Variants in RYR2 observed in about 807,000 individuals in gnomAD.
RYR2 encodes the protein cardiac muscle ryanodine receptor-calcium release channel.
In RYR2, 227 loss-of-function variants were observed where a neutral mutation model predicts 601.1. That is an observed-to-expected ratio of 0.38 (90% CI 0.34 to 0.42). The LOEUF (loss-of-function observed/expected upper bound fraction) is 0.42, where lower values mean the gene tolerates loss of function less well. RYR2 is among the 10% of genes least tolerant of loss of function. The pLI is 1.00. For synonymous variants in RYR2, 2,223 were observed against 2,175.1 expected (o/e 1.02, Z -0.61); for missense variants, 4,646 against 6,156.5 (o/e 0.75, Z 8.21).
intron 2 of RYR2, among the ~76,000 whole-genome samples, chr1:237,293,726 G>A (rs559661583): frequency 6.6e-6 from 1 of 152,302 alleles, no homozygotes; most frequent in East Asian, 1.9e-4. Flanking sequence ...CAGGAAATGT[G>A]GGAAGAGGCA....
intron 12 of RYR2, among the ~76,000 whole-genome samples, chr1:237,439,852 G>C (rs1471540897): frequency 4.0e-5 from 6 of 151,728 alleles, no homozygotes; most frequent in East Asian, 1.9e-4. Flanking sequence ...AATGTTAGAG[G>C]CTCACTGTTC....
At position 237,333,252 on chromosome 1, in the gene RYR2, G is replaced by A. The variant is rs934510588; in HGVS notation, c.273+2270G>A. 5.3e-5 allele frequency among the ~76,000 whole-genome samples: 8 copies of A among 152,208 alleles called. No homozygotes were observed. In the East Asian group the frequency reaches 1.5e-3, roughly 29 times the overall value. On this transcript the variant is annotated intron_variant, in intron 3 of 104. Transcript: ENST00000366574. Reference sequence around the variant, plus strand: ...AGCTGAAACCTATTTCTGGTTATTAGTAACTTTTAGAAAGAAACCAATGTC... The same window carrying A: ...AGCTGAAACCTATTTCTGGTTATTAATAACTTTTAGAAAGAAACCAATGTC...
intron 12 of RYR2, among the ~76,000 whole-genome samples, chr1:237,424,634 G>T (rs1329750605): frequency 2.6e-5 from 4 of 152,020 alleles, no homozygotes; most frequent in Non-Finnish European, 5.9e-5. Flanking sequence ...TTTTTACTTT[G>T]CCCCTCTCTA....
chr1:237,407,893 G>A (rs1704070845), intron 10 of RYR2, among the ~76,000 whole-genome samples: 1 of 152,124 alleles, frequency 6.6e-6, no homozygotes, highest in African/African-American at 2.4e-5. Context: ...TGGGATTACA[G>A]GCGTGAGCCA....
chr1:237,410,038 T>C (rs970733726), intron 10 of RYR2, among the ~76,000 whole-genome samples: 1 of 152,194 alleles, frequency 6.6e-6, no homozygotes, highest in Non-Finnish European at 1.5e-5. Flanking sequence ...TGAATAGTTC[T>C]GTATCATTTC....
chr1:237,369,005 C>T (rs111497222), intron 5 of RYR2, among the ~76,000 whole-genome samples: 1 of 151,704 alleles, frequency 6.6e-6, no homozygotes, highest in Non-Finnish European at 1.5e-5. Flanking sequence ...TGTAGTTTTA[C>T]TAGAGATGGG....
At chr1:237,424,637 CCT>C (rs1705950844) in intron 12 of RYR2, among the ~76,000 whole-genome samples, 1 of 152,060 alleles carries the variant, frequency 6.6e-6, no homozygotes, top group Non-Finnish European at 1.5e-5. Context: ...TTACTTTGCC[CCT>C]CTCTAGAGAT....
At chr1:237,645,499 A>G (rs1001117816) in intron 48 of RYR2, among the ~76,000 whole-genome samples, 1 of 152,238 alleles carries the variant, frequency 6.6e-6, no homozygotes, top group Non-Finnish European at 1.5e-5. Flanking sequence ...AAAGATAATA[A>G]TAGTACCAGT....
Position 237,680,531 on chromosome 1 carries a change from T to G in RYR2, c.8971T>G (p.Cys2991Gly). 6.2e-7 allele frequency: 1 copy of G among 1,606,720 alleles called. No individual in the cohort carries two copies. The highest frequency in any genetic ancestry group is 1.1e-5 in the South Asian group (1 of 90,334). The change falls in exon 62 of 105, where the codon TGC (cysteine) becomes GGC (glycine). Residue 2991 changes from cysteine to glycine, a missense_variant. This residue lies in a region of RYR2 where 1,497 missense variants were observed against 1,842.6 expected (regional missense o/e 0.81). Coordinates refer to ENST00000366574, the MANE Select transcript of RYR2 (RefSeq NM_001035.3). ...CTTATCTGCAGCAAGCAGACCTCTC[T>G]GCTCTGGAGGACATGCTTCCAACAA... is the stretch of plus-strand genomic sequence containing the variant. The part of the protein sequence containing the change: ...YFLSAASRPL[C>G]SGGHASNKEK...
intron 1 of RYR2, among the ~76,000 whole-genome samples, chr1:237,221,118 C>G (rs1683760865): frequency 6.6e-6 from 1 of 151,810 alleles, no homozygotes; most frequent in African/African-American, 2.4e-5. Flanking sequence ...CAAAACAAAA[C>G]AACAACAACA....
At chr1:237,745,917 T>A (rs964894139) in intron 80 of RYR2, among the ~76,000 whole-genome samples, 1 of 152,142 alleles carries the variant, frequency 6.6e-6, no homozygotes, top group Non-Finnish European at 1.5e-5. Flanking sequence ...ATGAGATTTT[T>A]TTTTTTTTAG....
chr1:237,324,643 C>T (rs1695971684), intron 2 of RYR2, among the ~76,000 whole-genome samples: 1 of 152,296 alleles, frequency 6.6e-6, no homozygotes, highest in East Asian at 1.9e-4. Flanking sequence ...TTCTTTCGAT[C>T]TCTTTGAAGT....
chr1:237,785,136 A>G (rs1695444468), intron 90 of RYR2, 164 bp downstream of exon 90: 2 of 641,970 alleles, frequency 3.1e-6, no homozygotes, highest in South Asian at 3.7e-5. Flanking sequence ...TGTTTTTAAG[A>G]GTCCTTATGA....
chr1:237,725,769 TC>T (rs1333405666), intron 74 of RYR2, among the ~76,000 whole-genome samples: 3 of 152,104 alleles, frequency 2.0e-5, no homozygotes, highest in Admixed American at 2.0e-4. Flanking sequence ...ATGATAAGCT[TC>T]CTGGTGGCAG....
intron 10 of RYR2, among the ~76,000 whole-genome samples, chr1:237,405,377 G>A (rs1340859879): frequency 6.6e-6 from 1 of 152,136 alleles, no homozygotes; most frequent in African/African-American, 2.4e-5. Flanking sequence ...TCCACAAATG[G>A]AATGCCCTTG....
At chr1:237,397,831 C>T (rs1558750331) in intron 10 of RYR2, among the ~76,000 whole-genome samples, 1 of 151,922 alleles carries the variant, frequency 6.6e-6, no homozygotes, top group East Asian at 1.9e-4. Context: ...ACGCCATTCT[C>T]CTGCCTCAGC....
intron 97 of RYR2, among the ~76,000 whole-genome samples, chr1:237,799,283 T>C (rs927382289): frequency 6.6e-6 from 1 of 152,172 alleles, no homozygotes; most frequent in Admixed American, 6.5e-5. Flanking sequence ...TGTTAGAATA[T>C]CATGAAACAA....
intron 84 of RYR2, among the ~76,000 whole-genome samples, chr1:237,763,602 A>G (rs1464458): frequency 0.072 from 10,938 of 152,280 alleles, 643 homozygotes; most frequent in African/African-American, 0.16. Flanking sequence ...AATTCAAAGT[A>G]GTTTCTGAAA....
chr1:237,341,349 A>T (rs10925373), intron 3 of RYR2, among the ~76,000 whole-genome samples: 21,162 of 152,036 alleles, frequency 0.14, 1,712 homozygotes, highest in East Asian at 0.34. Flanking sequence ...ATTCTCAAAC[A>T]TTTTTCTTTT....
Sources: allele counts gnomAD v4.1 joint callset (sites outside exome capture counted in the v4.1 genomes callset), GRCh38; gene constraint gnomAD v4.1.1; regional missense constraint gnomAD v4.1.1; transcripts MANE v1.5; gene names NCBI Gene and HGNC (gene_info 2026-07-23, HGNC 2026-07-21).